Variants in AKT3 observed in about 807,000 individuals in gnomAD.
AKT3 encodes RAC-gamma serine/threonine-protein kinase.
Under a neutral mutation model 65.3 loss-of-function variants are expected in AKT3, and 15 were observed. The ratio of observed to expected loss-of-function variants is 0.23; its 90% confidence interval spans 0.15 to 0.35. The LOEUF is 0.35. Among genes scored for constraint, AKT3 ranks in the 10% least tolerant of loss-of-function variants. AKT3 has a pLI of 1.00. For synonymous variants in AKT3, 206 were observed against 183.8 expected (o/e 1.12, Z -0.98); for missense variants, 243 against 576.5 (o/e 0.42, Z 5.92).
intron 11 of AKT3, among the ~76,000 whole-genome samples, chr1:243,551,259 T>A (rs2148462387): frequency 6.6e-6 from 1 of 152,110 alleles, no homozygotes; most frequent in South Asian, 2.1e-4. Context: ...AAGAATAGTA[T>A]CTCCCCTATC....
chr1:243,850,422 G>A (rs1695730651), upstream of AKT3, among the ~76,000 whole-genome samples: 3 of 151,146 alleles, frequency 2.0e-5, no homozygotes, highest in Admixed American at 6.6e-5. Context: ...AGAAAACACC[G>A]CTCGGGCGGG....
chr1:243,845,998 T>C (rs999617916), intron 1 of AKT3, among the ~76,000 whole-genome samples: 1 of 152,236 alleles, frequency 6.6e-6, no homozygotes, highest in Non-Finnish European at 1.5e-5. Flanking sequence ...AATAGCTTTA[T>C]AGCTCTTCCA....
At chr1:243,716,142 A>T (rs1686500414) in intron 2 of AKT3, among the ~76,000 whole-genome samples, 1 of 152,258 alleles carries the variant, frequency 6.6e-6, no homozygotes, top group Non-Finnish European at 1.5e-5. Flanking sequence ...TTTAAGAAGA[A>T]TTCTTCTTCA....
At chr1:243,576,556 T>C (rs1243813096) in intron 8 of AKT3, among the ~76,000 whole-genome samples, 2 of 152,192 alleles carry the variant, frequency 1.3e-5, no homozygotes, top group African/African-American at 4.8e-5. Flanking sequence ...AAAATCAATG[T>C]GCAAAAGTCA....
intron 3 of AKT3, among the ~76,000 whole-genome samples, chr1:243,676,619 T>C (rs917706780): frequency 6.6e-6 from 1 of 152,242 alleles, no homozygotes; most frequent in African/African-American, 2.4e-5. Flanking sequence ...GCTTCCAAGT[T>C]GAAAATTACT....
In AKT3 at chr1:243,684,371, C is replaced by G. The variant is rs536034752; in HGVS notation, c.172+11220G>C. 3.3e-5 allele frequency among the ~76,000 whole-genome samples: 5 copies of G among 152,078 alleles called. No individual in the cohort carries two copies. The East Asian group carries it at 9.7e-4, about 30-fold the overall frequency. On this transcript the variant is annotated intron_variant, in intron 3 of 13. Transcript: ENST00000673466. ...CCCTCCCTGTGTCCCTGTGTTCTCA[C>G]TGTTCAACTCCCACTTATGAATGAG...
At position 243,502,100 on chromosome 1, in the gene AKT3, G is replaced by A. The variant is rs2148338935; in HGVS notation, c.*3149C>T. 4.3e-6 allele frequency: 1 copy of A among 232,190 alleles called. No homozygotes were observed. The highest frequency in any genetic ancestry group is 2.2e-5 in the African/African-American group (1 of 45,360). 14.4% of individuals were successfully genotyped at this position (232,190 alleles called of 1,614,324 possible). ...GAGGTAATTCAATTACCAATTTAGAGGTTTTCTTTTTATTTAAATAAATAC... is the reference window on the plus strand; with the variant it reads ...GAGGTAATTCAATTACCAATTTAGAAGTTTTCTTTTTATTTAAATAAATAC... On this transcript the variant is annotated 3_prime_UTR_variant, in exon 14 of 14. Coordinates refer to ENST00000673466, the MANE Select transcript of AKT3 (RefSeq NM_005465.7).
At chr1:243,577,217 G>GCTCACAGAAACCTCTAC (rs1342080211) in intron 8 of AKT3, among the ~76,000 whole-genome samples, 2 of 152,144 alleles carry the variant, frequency 1.3e-5, no homozygotes, top group African/African-American at 4.8e-5. Context: ...CATGATCTTG[G>GCTCACAGAAACCTCTAC]CTCACAGAAA....
At chr1:243,697,837 G>A (rs1685155190) in intron 2 of AKT3, among the ~76,000 whole-genome samples, 1 of 151,944 alleles carries the variant, frequency 6.6e-6, no homozygotes. Flanking sequence ...TCCTTGAGGT[G>A]ATAATACTCT....
At chr1:243,683,882 C>G (rs1485794811) in intron 3 of AKT3, among the ~76,000 whole-genome samples, 2 of 152,118 alleles carry the variant, frequency 1.3e-5, no homozygotes, top group Non-Finnish European at 2.9e-5. Context: ...TGGATAGGAT[C>G]CTCTTCAACC....
At chr1:243,493,317 G>A (rs181574094) in intron 13 of AKT3, among the ~76,000 whole-genome samples, 149 of 152,246 alleles carry the variant, frequency 9.8e-4, no homozygotes, top group Non-Finnish European at 1.7e-3. Flanking sequence ...AGGGGTCTGC[G>A]GCCCAGAGCC....
chr1:243,526,644 T>A (rs1671102201), intron 12 of AKT3, among the ~76,000 whole-genome samples: 1 of 151,978 alleles, frequency 6.6e-6, no homozygotes. Context: ...AAGAAATATT[T>A]AAATATGTAC....
chr1:243,786,696 C>T (rs1397339861), intron 2 of AKT3, among the ~76,000 whole-genome samples: 3 of 151,906 alleles, frequency 2.0e-5, no homozygotes, highest in Admixed American at 6.6e-5. Flanking sequence ...TGGGGGGGTG[C>T]GCGGTGGAGA....
chr1:243,490,444 GA>G (rs1286265206), intron 13 of AKT3, among the ~76,000 whole-genome samples: 27 of 152,356 alleles, frequency 1.8e-4, no homozygotes, highest in African/African-American at 6.5e-4. Context: ...AAGCTGTTGG[GA>G]TGATTCTGGA....
intron 3 of AKT3, among the ~76,000 whole-genome samples, chr1:243,692,417 T>A (rs1684752534): frequency 1.3e-5 from 2 of 152,092 alleles, no homozygotes; most frequent in South Asian, 4.1e-4. Flanking sequence ...TATCCACCTC[T>A]TCATCATCCC....
downstream of AKT3, among the ~76,000 whole-genome samples, chr1:243,497,302 G>A (rs185345657): frequency 4.2e-3 from 573 of 136,920 alleles, 12 homozygotes; most frequent in Admixed American, 0.039. Flanking sequence ...CTGACTGAAC[G>A]CTCACCATGG....
intron 2 of AKT3, among the ~76,000 whole-genome samples, chr1:243,768,818 C>A (rs1689989550): frequency 1.5e-5 from 2 of 131,470 alleles, no homozygotes; most frequent in East Asian, 2.2e-4. Context: ...CCGGGCAAGA[C>A]AGTGATCCGC....
intron 2 of AKT3, among the ~76,000 whole-genome samples, chr1:243,815,946 A>AC (rs913403512): frequency 2.6e-5 from 4 of 151,944 alleles, no homozygotes; most frequent in African/African-American, 9.7e-5. Flanking sequence ...TGCTATAATT[A>AC]CCCCCAAAAT....
At chr1:243,584,330 A>G (rs547261092) in intron 8 of AKT3, among the ~76,000 whole-genome samples, 64 of 152,252 alleles carry the variant, frequency 4.2e-4, no homozygotes, top group African/African-American at 1.5e-3. Flanking sequence ...AAAAAAACCT[A>G]CCAACCAAAA....
Sources: allele counts gnomAD v4.1 joint callset (sites outside exome capture counted in the v4.1 genomes callset), GRCh38; gene constraint gnomAD v4.1.1; transcripts MANE v1.5; gene names NCBI Gene and HGNC (gene_info 2026-07-23, HGNC 2026-07-21).